The following EFCAB13 variants were observed in gnomAD, a reference collection of about 807,000 sequenced individuals.
The protein encoded by EFCAB13 is EF-hand calcium-binding domain-containing protein 13.
Under a neutral mutation model 110.2 loss-of-function variants are expected in EFCAB13, and 91 were observed. The observed-to-expected ratio is 0.83, with a 90% CI of 0.70 to 0.98. The LOEUF is 0.98. Ranked by LOEUF, EFCAB13 falls within the 50% of genes least tolerant of loss-of-function variation. The pLI is 0.00. For synonymous variants in EFCAB13, 323 were observed against 369.9 expected (o/e 0.87, Z 1.45); for missense variants, 968 against 1,119.4 (o/e 0.86, Z 1.93).
chr17:47,420,120 G>C (rs1806422786), intron 23 of EFCAB13, among the ~76,000 whole-genome samples: 1 of 152,330 alleles, frequency 6.6e-6, no homozygotes, highest in Admixed American at 6.5e-5. Flanking sequence ...ACTGGTTTTC[G>C]TATTTTTTTG....
At chr17:47,376,365 A>G (rs561533665) in intron 12 of EFCAB13, among the ~76,000 whole-genome samples, 3 of 152,336 alleles carry the variant, frequency 2.0e-5, no homozygotes, top group South Asian at 2.1e-4. Flanking sequence ...GAAACAGCAG[A>G]CAGACATGGG....
intron 14 of EFCAB13, among the ~76,000 whole-genome samples, chr17:47,391,176 A>AT (rs2065705444): frequency 6.6e-6 from 1 of 152,144 alleles, no homozygotes; most frequent in Non-Finnish European, 1.5e-5. Context: ...CCTGGCCTCA[A>AT]GTGATTCTTC....
At position 47,414,828 on chromosome 17, in the gene EFCAB13, T is replaced by G. The variant is rs1904379806; in HGVS notation, c.2423-20T>G. 1 of 1,545,936 alleles carries G rather than the reference T, an allele frequency of 6.5e-7. No individual in the cohort carries two copies. The highest frequency in any genetic ancestry group is 8.9e-7 in the Non-Finnish European group (1 of 1,125,844). On this transcript the variant is annotated intron_variant, in intron 22 of 24. Coordinates refer to ENST00000331493, the MANE Select transcript of EFCAB13 (RefSeq NM_152347.5). ...AGTATCAGGTTTTTAATGTCAGCATTTTTTACTTTGACCTTCCAGATAATA... is the reference window on the plus strand; with the variant it reads ...AGTATCAGGTTTTTAATGTCAGCATGTTTTACTTTGACCTTCCAGATAATA...
chr17:47,392,487 C>T (rs72825685), intron 15 of EFCAB13, among the ~76,000 whole-genome samples: 7,592 of 152,076 alleles, frequency 0.05, 250 homozygotes, highest in East Asian at 0.11. Context: ...AACTTGCTCT[C>T]CTGGATATCA....
chr17:47,436,226 G>C (rs141305153), intron 24 of EFCAB13, among the ~76,000 whole-genome samples: 2 of 152,034 alleles, frequency 1.3e-5, no homozygotes, highest in Admixed American at 1.3e-4. Context: ...ATATCAGTCC[G>C]TAGTTTTCTT....
At position 47,414,837 on chromosome 17, in the gene EFCAB13, T is replaced by G. The variant is rs758845115; in HGVS notation, c.2423-11T>G. On this transcript the variant is annotated splice_polypyrimidine_tract_variant and intron_variant, in intron 22 of 24. Transcript: ENST00000331493. ...TTTTTAATGTCAGCATTTTTTACTT[T>G]GACCTTCCAGATAATATGGAGGTGG... is the stretch of plus-strand genomic sequence containing the variant. 1 of 1,580,416 alleles carries G rather than the reference T, an allele frequency of 6.3e-7. No individual in the cohort carries two copies. Among genetic ancestry groups the G allele is most frequent in the Non-Finnish European group, 8.7e-7 (1 of 1,155,980 alleles).
intron 24 of EFCAB13, among the ~76,000 whole-genome samples, chr17:47,435,087 GCAAA>G (rs1158083085): frequency 3.9e-5 from 6 of 151,980 alleles, no homozygotes; most frequent in Non-Finnish European, 8.8e-5. Context: ...GAAATAATCA[GCAAA>G]CAGACAACCC....
rs1403504514 is a variant in EFCAB13 at position 47,431,129 on chromosome 17, CTT to C, written c.2638+1170_2638+1171del. Among the ~76,000 whole-genome samples the C allele has an allele frequency of 2.6e-5, 4 of 151,984 alleles. No homozygotes were observed. The highest frequency in any genetic ancestry group is 2.1e-4 in the South Asian group (1 of 4,830). On this transcript the variant is annotated intron_variant, in intron 24 of 24. Transcript: ENST00000331493. This position sits in a 1 kb window ranked among gnomAD's most constrained non-coding sequence, Gnocchi z 4.1. ...GTGTTAGAAACATTCCAATTTCACT[CTT>C]TGTTATTTTGAAATATAAAATAAAT...
At chr17:47,371,062 GT>G (rs779767798) in intron 11 of EFCAB13, among the ~76,000 whole-genome samples, 36,091 of 108,936 alleles carry the variant, frequency 0.33, 5,072 homozygotes, top group East Asian at 0.41. Flanking sequence ...TTTAATGGTT[GT>G]TTTTTTTTTT....
intron 4 of EFCAB13, among the ~76,000 whole-genome samples, chr17:47,331,164 G>T (rs1240409953): frequency 6.6e-6 from 1 of 151,952 alleles, no homozygotes. Flanking sequence ...GTAAATTCTG[G>T]ATATTAGTCC....
chr17:47,405,764 AAGTACT>A (rs1336186965), intron 20 of EFCAB13, among the ~76,000 whole-genome samples: 2 of 151,380 alleles, frequency 1.3e-5, no homozygotes, highest in Non-Finnish European at 2.9e-5. Context: ...TCTGTTTTTA[AAGTACT>A]AGCTCTTGGG....
chr17:47,373,345 T>C (rs867040936), intron 11 of EFCAB13, among the ~76,000 whole-genome samples: 4 of 152,314 alleles, frequency 2.6e-5, no homozygotes, highest in South Asian at 2.1e-4. Context: ...TTTCACTGAA[T>C]TTTTTTCTCT....
intron 23 of EFCAB13, among the ~76,000 whole-genome samples, chr17:47,422,437 T>C (rs973430721): frequency 4.6e-5 from 7 of 152,062 alleles, no homozygotes; most frequent in African/African-American, 7.2e-5. Context: ...AGGGAAGAAA[T>C]AGAATTTCCA....
intron 5 of EFCAB13, among the ~76,000 whole-genome samples, chr17:47,337,669 G>A (rs1170732726): frequency 6.6e-6 from 1 of 152,106 alleles, no homozygotes; most frequent in African/African-American, 2.4e-5. Flanking sequence ...CCAGGTTGAG[G>A]ACTGCAGCCT....
chr17:47,407,897 TA>T (rs1216306494), intron 20 of EFCAB13, among the ~76,000 whole-genome samples: 1 of 152,208 alleles, frequency 6.6e-6, no homozygotes, highest in Non-Finnish European at 1.5e-5. Flanking sequence ...ACTTGGCCCC[TA>T]AATCACACCA....
intron 12 of EFCAB13, among the ~76,000 whole-genome samples, chr17:47,376,120 G>A (rs768270053): frequency 1.3e-5 from 2 of 152,042 alleles, no homozygotes; most frequent in Non-Finnish European, 2.9e-5. Context: ...ATCACATTTA[G>A]TATTTAATGT....
intron 14 of EFCAB13, among the ~76,000 whole-genome samples, chr17:47,386,263 A>G (rs1171099678): frequency 1.3e-5 from 2 of 152,242 alleles, no homozygotes; most frequent in African/African-American, 4.8e-5. Flanking sequence ...CTTCCCCCAG[A>G]TACGCTGGTC....
intron 10 of EFCAB13, among the ~76,000 whole-genome samples, chr17:47,363,067 C>T (rs919088706): frequency 2.0e-5 from 3 of 152,060 alleles, no homozygotes; most frequent in African/African-American, 7.2e-5. Context: ...GGGCTGGACC[C>T]TACAATTATT....
At chr17:47,385,271 C>T (rs1276996852) in intron 14 of EFCAB13, among the ~76,000 whole-genome samples, 1 of 152,170 alleles carries the variant, frequency 6.6e-6, no homozygotes, top group African/African-American at 2.4e-5. Context: ...CTGTCACTTT[C>T]AGGGACCCTA....
Sources: allele counts gnomAD v4.1 joint callset (sites outside exome capture counted in the v4.1 genomes callset), GRCh38; gene constraint gnomAD v4.1.1; non-coding constraint Gnocchi (gnomAD v3.1); transcripts MANE v1.5; gene names NCBI Gene and HGNC (gene_info 2026-07-23, HGNC 2026-07-21).